PPP4R1: variants seen among roughly 807,000 people sequenced by gnomAD.
The protein encoded by PPP4R1 is serine/threonine-protein phosphatase 4 regulatory subunit 1.
A neutral mutation model predicts 111.2 loss-of-function variants in PPP4R1; 42 were observed. The ratio of observed to expected loss-of-function variants is 0.38; its 90% CI spans 0.29 to 0.49. The LOEUF (loss-of-function observed/expected upper bound fraction) is 0.49. PPP4R1 is among the 20% of genes least tolerant of loss of function. The pLI is 0.97. For synonymous variants in PPP4R1, 409 were observed against 405.5 expected (o/e 1.01, Z -0.10); for missense variants, 1,012 against 1,161.6 (o/e 0.87, Z 1.87).
In PPP4R1 at chr18:9,577,823, A is replaced by G. The variant is rs547513294; in HGVS notation, c.919-632T>C. On this transcript the variant is annotated intron_variant, in intron 9 of 19. Coordinates refer to ENST00000400556, the MANE Select transcript of PPP4R1 (RefSeq NM_001042388.3). ...AGGTCCTGCTGTGTTCTCAAGAACA[A>G]AAAGAATAAGGAAAACCAAGAGTGC... Among the ~76,000 whole-genome samples the G allele has an allele frequency of 5.3e-5, 8 of 152,344 alleles. No individual in the cohort carries two copies. The East Asian group carries it at 1.5e-3, about 29-fold the overall frequency.
intron 8 of PPP4R1, 51 bp from the exon 9 acceptor site, chr18:9,583,326 A>C (rs1281913703): frequency 1.4e-6 from 2 of 1,397,248 alleles, no homozygotes; most frequent in Non-Finnish European, 1.9e-6. Context: ...AGCAGATTTC[A>C]TCAGTTACTT....
chr18:9,578,552 T>C (rs2066975169), intron 9 of PPP4R1, among the ~76,000 whole-genome samples: 2 of 148,890 alleles, frequency 1.3e-5, no homozygotes, highest in Non-Finnish European at 3.0e-5. Flanking sequence ...ATTTCTTTTC[T>C]TTAAAAAAAA....
In PPP4R1 at chr18:9,547,656, T is replaced by C. The variant is rs924442032; in HGVS notation, c.*133A>G. 2.8e-6 allele frequency: 3 copies of C among 1,075,912 alleles called. No individual in the cohort carries two copies. The highest frequency in any genetic ancestry group is 4.1e-6 in the Non-Finnish European group (3 of 737,686). 66.6% of individuals were successfully genotyped at this position (1,075,912 alleles called of 1,614,324 possible). ...TCCCTGGTATTGGGTGTAGGCAACT[T>C]GCACCTGCAATGAAGTCCGCAGGAG... On this transcript the variant is annotated 3_prime_UTR_variant, in exon 20 of 20. Transcript: ENST00000400556.
chr18:9,550,586 T>C (rs887284380), intron 16 of PPP4R1, 188 bp from the exon 17 acceptor site: 2 of 636,286 alleles, frequency 3.1e-6, no homozygotes, highest in African/African-American at 1.8e-5. Context: ...GAAATGCACT[T>C]ACATGCTATT....
At position 9,593,882 on chromosome 18, in the gene PPP4R1, A is replaced by C. The variant is rs1039955202; in HGVS notation, c.189-8T>G. The C allele has an allele frequency of 2.5e-6, 4 of 1,606,214 alleles. No individual in the cohort carries two copies. Among genetic ancestry groups the C allele is most frequent in the Non-Finnish European group, 1.7e-6 (2 of 1,173,806 alleles). On this transcript the variant is annotated splice_region_variant and splice_polypyrimidine_tract_variant and intron_variant, in intron 3 of 19. Transcript: ENST00000400556. ...CTCCGGGCCACCATTTGTCTACACAAAAAAAACAAAATTATGTATGTTCAA... is the reference window on the plus strand; with the variant it reads ...CTCCGGGCCACCATTTGTCTACACACAAAAAACAAAATTATGTATGTTCAA...
chr18:9,614,587 G>A, upstream of PPP4R1: 1 of 774,958 alleles, frequency 1.3e-6, no homozygotes, highest in Non-Finnish European at 1.6e-6. This position sits in a 1 kb window ranked among gnomAD's most constrained non-coding sequence, Gnocchi z 4.1. Flanking sequence ...GCGGCGGGGA[G>A]GAGGAGGGCC....
chr18:9,599,197 T>A (rs957220977), intron 2 of PPP4R1, among the ~76,000 whole-genome samples: 2 of 152,176 alleles, frequency 1.3e-5, no homozygotes, highest in Non-Finnish European at 2.9e-5. Context: ...ATGACTATAA[T>A]AGCACAAAGG....
rs778493070 is a variant in PPP4R1, at chr18:9,588,094, C to T, written c.580G>A (p.Val194Met). 6.2e-7 allele frequency: 1 copy of T among 1,613,750 alleles called. No individual in the cohort carries two copies. The highest frequency in any genetic ancestry group is 8.5e-7 in the Non-Finnish European group (1 of 1,179,894). Reference sequence around the variant, plus strand: ...AAAAATGGCATTTGACTTACAGCCACAGCTTCTGTTTTCACATCATCATTG... The same window carrying T: ...AAAAATGGCATTTGACTTACAGCCATAGCTTCTGTTTTCACATCATCATTG... ...DSNDDVKTEA[V>M]AIMCKMAPMV... Residue 194 changes from valine (V) to methionine (M), a missense_variant, in exon 6 of 20, where the codon GTG becomes ATG. Val to Met is a conservative substitution (Grantham distance 21). Around this residue, in one of 2 missense-constraint regions of PPP4R1, gnomAD observed 707 missense variants for 742.1 expected, o/e 0.95. Coordinates refer to ENST00000400556, the MANE Select transcript of PPP4R1 (RefSeq NM_001042388.3).
rs753712652 is a variant in PPP4R1 at position 9,588,694 on chromosome 18, A to G, written c.438+17T>C. On this transcript the variant is annotated intron_variant, in intron 5 of 19. Coordinates refer to ENST00000400556, the MANE Select transcript of PPP4R1 (RefSeq NM_001042388.3). ...CTACGTAAATTTCTTTTAAGAACATATAAATGGTACTCTTACCTGATTATT... is the reference window on the plus strand; with the variant it reads ...CTACGTAAATTTCTTTTAAGAACATGTAAATGGTACTCTTACCTGATTATT... 6.3e-7 allele frequency: 1 copy of G among 1,588,570 alleles called. No homozygotes were observed. Among genetic ancestry groups the G allele is most frequent in the East Asian group, 2.2e-5 (1 of 44,730 alleles).
chr18:9,570,323 G>C lies in PPP4R1; in HGVS notation c.1407C>G (p.Asp469Glu), dbSNP rs779838038. 1 of 1,612,068 alleles carries C rather than the reference G, an allele frequency of 6.2e-7. No homozygotes were observed. Among genetic ancestry groups the C allele is most frequent in the South Asian group, 1.1e-5 (1 of 90,736 alleles). ...CCCCAGAGTTCTGTTCAAGCTCTAT[G>C]TCTAGATCTATTTCAGGAAGAGGAG... ...WRTPLPEIDL[D>E]IELEQNSGGK... Residue 469 changes from aspartate (D) to glutamate (E), a missense_variant, in exon 11 of 20, where the codon GAC (aspartate) becomes GAG (glutamate). This residue lies in a region of PPP4R1 where 707 missense variants were observed against 742.1 expected (regional missense o/e 0.95). Coordinates refer to ENST00000400556, the MANE Select transcript of PPP4R1 (RefSeq NM_001042388.3).
intron 2 of PPP4R1, among the ~76,000 whole-genome samples, chr18:9,597,869 A>T (rs1195754898): frequency 3.9e-5 from 6 of 152,368 alleles, no homozygotes; most frequent in African/African-American, 1.4e-4. Context: ...TCTACAACAG[A>T]AACAGACCCA....
At chr18:9,567,675 G>A (rs2066790999) in intron 11 of PPP4R1, among the ~76,000 whole-genome samples, 1 of 152,232 alleles carries the variant, frequency 6.6e-6, no homozygotes, top group Non-Finnish European at 1.5e-5. Context: ...CAGTGGTGGT[G>A]TTTGAGAAGA....
At chr18:9,557,176 G>A (rs763365608) in intron 15 of PPP4R1, 45 bp downstream of exon 15, 60 of 1,491,574 alleles carry the variant, frequency 4.0e-5, no homozygotes, top group Admixed American at 6.8e-5. Flanking sequence ...TTTAGATTAC[G>A]GCAGAATTTT....
intron 4 of PPP4R1, among the ~76,000 whole-genome samples, 183 bp downstream of exon 4, chr18:9,593,585 G>A (rs1400635813): frequency 6.6e-6 from 1 of 152,144 alleles, no homozygotes; most frequent in Non-Finnish European, 1.5e-5. Flanking sequence ...TGAGCCCACT[G>A]TAAAATGTCC....
upstream of PPP4R1, chr18:9,615,092 C>G (rs1451696197): frequency 1.3e-5 from 2 of 152,328 alleles, no homozygotes; most frequent in African/African-American, 4.8e-5. Flanking sequence ...TTGGAGGAAG[C>G]GCCGCCTCCC....
intron 2 of PPP4R1, among the ~76,000 whole-genome samples, chr18:9,605,395 C>T (rs2067461122): frequency 6.6e-6 from 1 of 151,768 alleles, no homozygotes; most frequent in South Asian, 2.1e-4. Context: ...CAGGGTATTT[C>T]CCCATTGTCA....
rs546928780 is a variant in PPP4R1 at position 9,597,851 on chromosome 18, C to CA, written c.53-2699dup. Among the ~76,000 whole-genome samples, 17 of 151,892 alleles carry CA rather than the reference C, an allele frequency of 1.1e-4. No individual in the cohort carries two copies. In the East Asian group the frequency reaches 3.1e-3, roughly 28 times the overall value. ...AGGCAGGAAAATACAAACCATGAGG[C>CA]AAAAAATTCTACAACAGAAACAGAC... On this transcript the variant is annotated intron_variant, in intron 2 of 19. Coordinates refer to ENST00000400556, the MANE Select transcript of PPP4R1 (RefSeq NM_001042388.3).
intron 4 of PPP4R1, among the ~76,000 whole-genome samples, chr18:9,590,503 G>A (rs1331133853): frequency 6.6e-6 from 1 of 152,172 alleles, no homozygotes; most frequent in Non-Finnish European, 1.5e-5. Context: ...CACAAGTTAT[G>A]GTTTCAGTTA....
intron 10 of PPP4R1, among the ~76,000 whole-genome samples, chr18:9,574,441 A>G (rs980190181): frequency 3.3e-5 from 5 of 152,242 alleles, no homozygotes; most frequent in African/African-American, 1.2e-4. Flanking sequence ...AATTAACTCA[A>G]TGAAGTTTTA....
Sources: allele counts gnomAD v4.1 joint callset (sites outside exome capture counted in the v4.1 genomes callset), GRCh38; gene constraint gnomAD v4.1.1; regional missense constraint gnomAD v4.1.1; non-coding constraint Gnocchi (gnomAD v3.1); transcripts MANE v1.5; gene names NCBI Gene and HGNC (gene_info 2026-07-23, HGNC 2026-07-21).